The following SUDS3 variants were observed in gnomAD, a reference collection of about 807,000 sequenced individuals.
SUDS3 encodes the protein sin3 histone deacetylase corepressor complex component SDS3.
SUDS3 carries 23 observed loss-of-function variants against 53.5 expected under a neutral mutation model. The ratio of observed to expected loss-of-function variants is 0.43; its 90% confidence interval spans 0.31 to 0.61. The LOEUF (loss-of-function observed/expected upper bound fraction) is 0.61. Ranked by LOEUF, SUDS3 falls within the 20% of genes least tolerant of loss-of-function variation. The pLI, the probability that SUDS3 is intolerant of heterozygous loss-of-function variation, is 0.10. For missense variants in SUDS3, 291 were observed against 405.9 expected, an observed-to-expected ratio of 0.72 and a Z score of 2.43; for synonymous variants, 150 against 148.5, an observed-to-expected ratio of 1.01 and a Z score of -0.08.
intron 6 of SUDS3, among the ~76,000 whole-genome samples, chr12:118,394,985 T>G (rs1432784447): frequency 6.6e-6 from 1 of 151,810 alleles, no homozygotes; most frequent in Non-Finnish European, 1.5e-5. Context: ...ACATCTGGCT[T>G]TTTTACTCAT....
intron 3 of SUDS3, 73 bp downstream of exon 3, chr12:118,384,140 T>C: frequency 1.4e-6 from 2 of 1,464,668 alleles, no homozygotes; most frequent in East Asian, 4.6e-5. Context: ...TCTGTGTATT[T>C]CACTTCTCTG....
chr12:118,393,243 A>T (rs2046183734), intron 6 of SUDS3, among the ~76,000 whole-genome samples: 1 of 152,194 alleles, frequency 6.6e-6, no homozygotes, highest in Non-Finnish European at 1.5e-5. Flanking sequence ...TTGTGGATTG[A>T]TGCCCAATAT....
rs750333677 is a variant in SUDS3 at position 118,376,845 on chromosome 12, C to A, written c.142+12C>A. On this transcript the variant is annotated intron_variant, in intron 1 of 11. Coordinates refer to ENST00000543473, the MANE Select transcript of SUDS3 (RefSeq NM_022491.3). ...CGAGTCGGACGAAGGTGAGTCCTGC[C>A]GCTCGCCCGGCCGCCCGGAGCGGAG... 2 of 1,518,080 alleles carry A rather than the reference C, an allele frequency of 1.3e-6. No homozygotes were observed. Among genetic ancestry groups the A allele is most frequent in the African/African-American group, 2.9e-5 (2 of 70,068 alleles). 94.0% of individuals were successfully genotyped at this position (1,518,080 alleles called of 1,614,324 possible).
chr12:118,391,196 T>A lies in SUDS3; in HGVS notation c.431T>A (p.Val144Asp). ...GTGAAAGAATTTGAAGACAAGAAGG[T>A]TGAGCTGAAAGAGAACCTGATTGCT... ...AAVKEFEDKK[V>D]ELKENLIAEL... The change falls in exon 6 of 12, where the codon GTT (valine) becomes GAT (aspartate). Residue 144 changes from valine to aspartate, a missense_variant. Coordinates refer to ENST00000543473, the MANE Select transcript of SUDS3 (RefSeq NM_022491.3). 1 of 1,613,680 alleles carries A rather than the reference T, an allele frequency of 6.2e-7. No individual in the cohort carries two copies. Among genetic ancestry groups the A allele is most frequent in the Non-Finnish European group, 8.5e-7 (1 of 1,179,828 alleles).
At chr12:118,392,476 T>C (rs1438002474) in intron 6 of SUDS3, among the ~76,000 whole-genome samples, 2 of 152,204 alleles carry the variant, frequency 1.3e-5, no homozygotes, top group African/African-American at 2.4e-5. Context: ...TAGAGAGAGT[T>C]GGCAAAAGAA....
At chr12:118,414,282 T>C (rs1208894979) in intron 11 of SUDS3, 53 bp from the exon 12 acceptor site, 3 of 1,328,904 alleles carry the variant, frequency 2.3e-6, no homozygotes, top group African/African-American at 1.5e-5. Context: ...GTGTAGGAGA[T>C]TTGCTCTTCT....
chr12:118,406,755 C>A (rs953704591), intron 10 of SUDS3, among the ~76,000 whole-genome samples: 3 of 151,810 alleles, frequency 2.0e-5, no homozygotes, highest in African/African-American at 7.3e-5. Flanking sequence ...TGCTTCGTAG[C>A]ACATTTTATA....
chr12:118,383,201 A>G (rs2046083511), intron 2 of SUDS3, among the ~76,000 whole-genome samples: 1 of 152,216 alleles, frequency 6.6e-6, no homozygotes, highest in African/African-American at 2.4e-5. Flanking sequence ...CACATATACC[A>G]AAAGGTTATT....
At position 118,386,118 on chromosome 12, in the gene SUDS3, A is replaced by G. The variant is rs1210619222; in HGVS notation, c.273A>G (p.Thr91=). The change falls in exon 4 of 12, where the codon ACA becomes ACG. Residue 91 remains threonine (T), a synonymous_variant. Coordinates refer to ENST00000543473, the MANE Select transcript of SUDS3 (RefSeq NM_022491.3). ...TTTTCAAATGTTCAAAATCAGGTACATTACAGGAATATCAGAAGAGAATGA... is the reference window on the plus strand; with the variant it reads ...TTTTCAAATGTTCAAAATCAGGTACGTTACAGGAATATCAGAAGAGAATGA... ...KRQLQQLQEG[T]LQEYQKRMKK... is the part of the protein sequence containing the mutation. 2 of 1,593,584 alleles carry G rather than the reference A, an allele frequency of 1.3e-6. No homozygotes were observed. Among genetic ancestry groups the G allele is most frequent in the Non-Finnish European group, 1.7e-6 (2 of 1,168,930 alleles).
At chr12:118,390,456 G>A (rs2046154913) in intron 5 of SUDS3, among the ~76,000 whole-genome samples, 1 of 152,226 alleles carries the variant, frequency 6.6e-6, no homozygotes, top group African/African-American at 2.4e-5. Flanking sequence ...TGGCTAGCAT[G>A]TGTGTGGGGG....
At chr12:118,400,791 T>C (rs926900754) in intron 7 of SUDS3, 37 bp downstream of exon 7, 23 of 1,587,426 alleles carry the variant, frequency 1.4e-5, no homozygotes, top group Non-Finnish European at 1.9e-5. Flanking sequence ...GCCTTTCTTT[T>C]TTAAGACTGT....
Position 118,417,676 on chromosome 12 carries a change from GGT to G in SUDS3, c.*3244_*3245del, listed in dbSNP as rs1491393957. The G allele has an allele frequency of 4.4e-4, 63 of 143,518 alleles. No homozygotes were observed. The highest frequency in any genetic ancestry group is 1.7e-3 in the African/African-American group (61 of 36,820). The allele number at this position is 143,518 out of a possible 1,614,324, so 8.9% of individuals were successfully genotyped here. On this transcript the variant is annotated 3_prime_UTR_variant, in exon 12 of 12. Transcript: ENST00000543473. ...GTGAATGTAAAATATAAAAGGTATA[GGT>G]TTTTTTTTTTTTTTAAAGAAAACAA...
intron 10 of SUDS3, among the ~76,000 whole-genome samples, chr12:118,407,691 A>C (rs149943729): frequency 1.3e-5 from 2 of 151,836 alleles, no homozygotes; most frequent in East Asian, 1.9e-4. Flanking sequence ...ACATGGATAC[A>C]CATGTAACAT....
At position 118,403,534 on chromosome 12, in the gene SUDS3, C is replaced by T; in HGVS notation, c.803+17C>T. The T allele has an allele frequency of 1.3e-6, 2 of 1,597,940 alleles. No homozygotes were observed. The highest frequency in any genetic ancestry group is 1.7e-6 in the Non-Finnish European group (2 of 1,169,416). ...CAAAAGATGGTATGTTATGGGAAAA[C>T]CTGGACTAGTAAGAGTCTCATATGA... On this transcript the variant is annotated intron_variant, in intron 10 of 11. Transcript: ENST00000543473.
At chr12:118,408,521 T>TG (rs1366865235) in intron 10 of SUDS3, among the ~76,000 whole-genome samples, 1 of 149,770 alleles carries the variant, frequency 6.7e-6, no homozygotes, top group East Asian at 2.0e-4. Context: ...TTAGTAGAGA[T>TG]GGGGGTTTCA....
chr12:118,377,853 C>G (rs1257994035), intron 1 of SUDS3, among the ~76,000 whole-genome samples: 2 of 152,150 alleles, frequency 1.3e-5, no homozygotes, highest in African/African-American at 2.4e-5. Flanking sequence ...CTGAGTTTCC[C>G]GAGTGCCAAG....
At chr12:118,411,027 GT>G in intron 10 of SUDS3, 45 bp from the exon 11 acceptor site, 1 of 1,509,840 alleles carries the variant, frequency 6.6e-7, no homozygotes, top group Non-Finnish European at 9.1e-7. Context: ...TTTACTTCCT[GT>G]CTCTGTCCCT....
intron 6 of SUDS3, among the ~76,000 whole-genome samples, chr12:118,400,309 C>T (rs1366053247): frequency 6.6e-6 from 1 of 152,080 alleles, no homozygotes; most frequent in Non-Finnish European, 1.5e-5. Context: ...CCTTCAGGTT[C>T]CTTCCTATCC....
chr12:118,379,145 G>A (rs552752781), intron 1 of SUDS3, among the ~76,000 whole-genome samples: 2 of 151,618 alleles, frequency 1.3e-5, no homozygotes, highest in South Asian at 2.1e-4. Flanking sequence ...ATGATTTAAA[G>A]TGTACTGTTG....
Sources: allele counts gnomAD v4.1 joint callset (sites outside exome capture counted in the v4.1 genomes callset), GRCh38; gene constraint gnomAD v4.1.1; transcripts MANE v1.5; gene names NCBI Gene and HGNC (gene_info 2026-07-23, HGNC 2026-07-21).